The following CABIN1 variants were observed in gnomAD, a reference collection of about 807,000 sequenced individuals.
CABIN1 encodes calcineurin binding protein 1.
In CABIN1, 133 loss-of-function variants were observed where a neutral mutation model predicts 227.7. That is an observed-to-expected ratio of 0.58 (90% confidence interval 0.51 to 0.67). CABIN1 has a LOEUF of 0.67. Among genes scored for constraint, CABIN1 ranks in the 30% least tolerant of loss-of-function variants. The pLI, the probability that CABIN1 is intolerant of heterozygous loss-of-function variation, is 0.00. For synonymous variants in CABIN1, 1,086 were observed against 1,155.1 expected, an observed-to-expected ratio of 0.94 and a Z score of 1.21; for missense variants, 2,408 against 2,852.5, an observed-to-expected ratio of 0.84 and a Z score of 3.55.
chr22:24,063,965 G>T, intron 14 of CABIN1, 70 bp from the exon 15 acceptor site: 1 of 1,591,092 alleles, frequency 6.3e-7, no homozygotes. Context: ...GAGATAAGTG[G>T]TGTAAAGCAT....
rs138770999 is a variant in CABIN1, at chr22:24,075,191, A to G, written c.2633-978A>G. Reference sequence around the variant, plus strand: ...GTACTCCAGCCTGGGCAAAAGTGAGACCTCATCTTAAAAAAAAGAAGAAAA... The same window carrying G: ...GTACTCCAGCCTGGGCAAAAGTGAGGCCTCATCTTAAAAAAAAGAAGAAAA... On this transcript the variant is annotated intron_variant, in intron 18 of 36. Coordinates refer to ENST00000263119, the MANE Select transcript of CABIN1 (RefSeq NM_012295.4). 1.3e-4 allele frequency among the ~76,000 whole-genome samples: 20 copies of G among 152,098 alleles called. No homozygotes were observed. In the East Asian group the frequency reaches 3.7e-3, roughly 28 times the overall value.
intron 34 of CABIN1, chr22:24,175,712 A>C: frequency 3.2e-6 from 1 of 317,214 alleles, no homozygotes; most frequent in South Asian, 2.9e-5. Flanking sequence ...GGTTGTTTGG[A>C]TTTTGGTCCT....
chr22:24,137,338 A>G (rs1298156118), intron 29 of CABIN1, among the ~76,000 whole-genome samples: 1 of 152,200 alleles, frequency 6.6e-6, no homozygotes, highest in East Asian at 1.9e-4. Context: ...CACATGCTCC[A>G]GGCCCCTTTC....
At chr22:24,047,184 A>G (rs570134559) in intron 6 of CABIN1, among the ~76,000 whole-genome samples, 10 of 152,224 alleles carry the variant, frequency 6.6e-5, no homozygotes, top group Non-Finnish European at 1.3e-4. Context: ...GAACTGATAC[A>G]TACACCTGTG....
rs558856690 is a variant in CABIN1, at chr22:24,171,659, C to T, written c.5758-54C>T. 1.0e-4 allele frequency: 168 copies of T among 1,606,586 alleles called. 5 individuals are homozygous for T. The South Asian group carries it at 1.7e-3, about 17-fold the overall frequency. On this transcript the variant is annotated intron_variant, in intron 33 of 36. Coordinates refer to ENST00000263119, the MANE Select transcript of CABIN1 (RefSeq NM_012295.4). ...ACTGGTCGGCTGGCGGGCAGAGCAG[C>T]GTGGGCTCAGGGCTGCCTAGCCAGC...
chr22:24,156,022 A>G (rs1361549246), intron 29 of CABIN1: 4 of 573,530 alleles, frequency 7.0e-6, no homozygotes, highest in African/African-American at 2.0e-5. Flanking sequence ...CTCCGCGGCC[A>G]TGGCCCGGCG....
chr22:24,138,125 G>C, intron 29 of CABIN1, among the ~76,000 whole-genome samples: 1 of 152,348 alleles, frequency 6.6e-6, no homozygotes, highest in East Asian at 1.9e-4. Context: ...TGGGGGGCAC[G>C]TGCCTTCTGT....
intron 1 of CABIN1, among the ~76,000 whole-genome samples, chr22:24,024,788 A>T (rs1328535792): frequency 6.6e-6 from 1 of 152,038 alleles, no homozygotes; most frequent in African/African-American, 2.4e-5. Flanking sequence ...TCGCCTGCTC[A>T]CATTTGTTTT....
intron 29 of CABIN1, among the ~76,000 whole-genome samples, chr22:24,144,995 C>T (rs1278905809): frequency 1.3e-5 from 2 of 152,206 alleles, no homozygotes; most frequent in South Asian, 4.1e-4. Context: ...AGGAGAGTGA[C>T]GTTAGAGGAC....
intron 29 of CABIN1, chr22:24,155,797 T>G: frequency 2.4e-6 from 1 of 409,104 alleles, no homozygotes; most frequent in South Asian, 5.6e-5. Flanking sequence ...TACACCATGC[T>G]CTCTGGGGCC....
intron 26 of CABIN1, among the ~76,000 whole-genome samples, chr22:24,098,706 A>T (rs1278796270): frequency 1.3e-5 from 2 of 152,204 alleles, no homozygotes; most frequent in East Asian, 3.8e-4. Context: ...ATGTGTGGCC[A>T]TGCCATGTGG....
rs146769197 is a variant in CABIN1, at chr22:24,171,942, C to T, written c.5987C>T (p.Pro1996Leu). Residue 1996 changes from proline to leucine, a missense_variant, in exon 34 of 37, where the codon CCT becomes CTT. By Grantham distance (98) the Pro-to-Leu change is moderately conservative (BLOSUM62 -3). Transcript: ENST00000263119. Reference protein sequence around the residue: ...STLDQSKDPGPPRPHRPEATP... With the variant: ...STLDQSKDPGLPRPHRPEATP... ...CTGGACCAGTCCAAGGACCCTGGGC[C>T]TCCCCGGCCACACAGGCCTGAAGCT... 5.3e-4 allele frequency: 849 copies of T among 1,613,782 alleles called. 5 individuals are homozygous for T. The East Asian group carries it at 0.017, about 33-fold the overall frequency.
Position 24,042,939 on chromosome 22 carries a change from G to C in CABIN1, c.381G>C (p.Trp127Cys), listed in dbSNP as rs769009731. Residue 127 changes from tryptophan to cysteine, a missense_variant, in exon 6 of 37, where the codon TGG (tryptophan) becomes TGC (cysteine). Around this residue, in one of 3 missense-constraint regions of CABIN1, gnomAD observed 1,045 missense variants for 1,168.4 expected, o/e 0.89. Transcript: ENST00000263119. ...TGGACTCCACAGATGTCAACCTCTG[G>C]TATAAGATTGGACATGTGGCCCTGA... is the stretch of plus-strand genomic sequence containing the variant. ...VMLDSTDVNL[W>C]YKIGHVALRL... The C allele has an allele frequency of 7.5e-6, 12 of 1,598,396 alleles. No individual in the cohort carries two copies. Among genetic ancestry groups the C allele is most frequent in the Non-Finnish European group, 1.0e-5 (12 of 1,171,380 alleles).
intron 1 of CABIN1, among the ~76,000 whole-genome samples, chr22:24,025,057 C>CT (rs1312451529): frequency 2.0e-5 from 3 of 152,138 alleles, no homozygotes; most frequent in African/African-American, 7.2e-5. Context: ...TATCAAATTC[C>CT]TTTTTCCTGT....
Position 24,041,058 on chromosome 22 carries a change from A to G in CABIN1, c.211-81A>G. On this transcript the variant is annotated intron_variant, in intron 4 of 36. Transcript: ENST00000263119. ...GGCTCAAGGGCCTGCAGCAGAGGCC[A>G]GCCTGGAAGCCAAGTATCCTGCTGG... The G allele has an allele frequency of 3.8e-6, 6 of 1,581,928 alleles. No individual in the cohort carries two copies. The East Asian group carries it at 6.7e-5, about 18-fold the overall frequency.
intron 29 of CABIN1, among the ~76,000 whole-genome samples, chr22:24,157,031 C>G (rs1478171384): frequency 6.6e-6 from 1 of 151,948 alleles, no homozygotes. Flanking sequence ...CCCTTGCCCT[C>G]AGTAGCCCCG....
intron 8 of CABIN1, 28 bp downstream of exon 8, chr22:24,051,002 C>A (rs760751247): frequency 4.3e-6 from 7 of 1,613,640 alleles, no homozygotes; most frequent in Non-Finnish European, 5.9e-6. Context: ...TCTGGGAGTG[C>A]TGGGTCGGCC....
intron 1 of CABIN1, among the ~76,000 whole-genome samples, chr22:24,014,991 T>G (rs935153065): frequency 1.3e-4 from 20 of 152,064 alleles, no homozygotes; most frequent in African/African-American, 4.8e-4. Context: ...AGGCCAGGCG[T>G]GGTGGCTCAT....
chr22:24,143,646 G>GAGAGTAC (rs2148367109), intron 29 of CABIN1, among the ~76,000 whole-genome samples: 1 of 152,212 alleles, frequency 6.6e-6, no homozygotes, highest in East Asian at 1.9e-4. Context: ...GCAGAGAGTA[G>GAGAGTAC]CGGCCCATAG....
Sources: allele counts gnomAD v4.1 joint callset (sites outside exome capture counted in the v4.1 genomes callset), GRCh38; gene constraint gnomAD v4.1.1; regional missense constraint gnomAD v4.1.1; transcripts MANE v1.5; gene names NCBI Gene and HGNC (gene_info 2026-07-23, HGNC 2026-07-21).